The following CSMD1 variants were observed in gnomAD, a reference collection of about 807,000 sequenced individuals.
CSMD1 encodes the protein CUB and sushi domain-containing protein 1.
Under a neutral mutation model 417.5 loss-of-function variants are expected in CSMD1, and 213 were observed. That is an observed-to-expected ratio of 0.51 (90% CI 0.46 to 0.57). The LOEUF (loss-of-function observed/expected upper bound fraction) is 0.57, where lower values mean the gene tolerates loss of function less well. CSMD1 is among the 20% of genes least tolerant of loss of function. The pLI is 0.00. For missense variants in CSMD1, 6,923 were observed against 4,529.7 expected (o/e 1.53, Z -15.17); for synonymous variants, 2,862 against 1,736.8 (o/e 1.65, Z -16.11).
At chr8:3,263,313 A>T (rs1245571329) in intron 26 of CSMD1, among the ~76,000 whole-genome samples, 1 of 152,138 alleles carries the variant, frequency 6.6e-6, no homozygotes, top group Non-Finnish European at 1.5e-5. Context: ...TGGCCAGGCT[A>T]GTCTCGAACT....
chr8:3,452,140 T>C (rs977574287), intron 12 of CSMD1, among the ~76,000 whole-genome samples: 3 of 152,266 alleles, frequency 2.0e-5, no homozygotes, highest in East Asian at 3.8e-4. Flanking sequence ...TTTATAAGAA[T>C]GCTTGTGATT....
At chr8:2,975,734 T>A (rs570957901) in intron 55 of CSMD1, among the ~76,000 whole-genome samples, 47 of 152,184 alleles carry the variant, frequency 3.1e-4, no homozygotes, top group African/African-American at 1.1e-3. Context: ...CACAGCAAAA[T>A]CAGACATGGA....
intron 1 of CSMD1, among the ~76,000 whole-genome samples, chr8:4,849,334 T>C (rs1423104202): frequency 6.6e-6 from 1 of 151,806 alleles, no homozygotes; most frequent in East Asian, 1.9e-4. Context: ...AAGAAAAAAG[T>C]AATAAGGTGA....
chr8:4,334,625 T>C (rs1304971204), intron 3 of CSMD1, among the ~76,000 whole-genome samples: 1 of 152,172 alleles, frequency 6.6e-6, no homozygotes, highest in Non-Finnish European at 1.5e-5. Context: ...TGGAGAATGC[T>C]GACTAATACA....
At position 4,495,263 on chromosome 8, in the gene CSMD1, T is replaced by C. The variant is rs147011720; in HGVS notation, c.303-75198A>G. Among the ~76,000 whole-genome samples the C allele has an allele frequency of 1.3e-3, 202 of 152,272 alleles. 1 individual carries two copies. Among genetic ancestry groups the C allele is most frequent in the African/African-American group, 4.2e-3 (173 of 41,574 alleles). ...ACCTGAAAACTATAAATTGCTGTCA[T>C]AAAAATGTGACTAATACAAAATGAT... On this transcript the variant is annotated intron_variant, in intron 2 of 69. Transcript: ENST00000635120.
intron 41 of CSMD1, 63 bp downstream of exon 41, chr8:3,142,402 A>G (rs565518732): frequency 5.2e-5 from 71 of 1,360,706 alleles, no homozygotes; most frequent in Admixed American, 1.4e-4. Flanking sequence ...TTATACTTAA[A>G]TACAATTTAC....
At chr8:4,958,673 T>A (rs1253237131) in intron 1 of CSMD1, among the ~76,000 whole-genome samples, 1 of 152,198 alleles carries the variant, frequency 6.6e-6, no homozygotes, top group African/African-American at 2.4e-5. Flanking sequence ...TGAGTTACCA[T>A]GGAGTTTTTA....
chr8:3,922,117 A>G (rs922774554), intron 5 of CSMD1, among the ~76,000 whole-genome samples: 2 of 146,016 alleles, frequency 1.4e-5, no homozygotes, highest in African/African-American at 4.9e-5. Context: ...CCCCTTTATC[A>G]TTATATTATG....
chr8:3,698,673 G>T (rs938099989), intron 7 of CSMD1, among the ~76,000 whole-genome samples: 3 of 152,134 alleles, frequency 2.0e-5, no homozygotes, highest in African/African-American at 7.2e-5. Context: ...CTAGTAACAC[G>T]CCTGGTATTC....
intron 3 of CSMD1, among the ~76,000 whole-genome samples, chr8:4,064,718 C>G (rs1365279): frequency 0.46 from 69,952 of 152,074 alleles, 16,516 homozygotes; most frequent in East Asian, 0.79. Context: ...CCCCAGTATC[C>G]GTACTCAACC....
intron 5 of CSMD1, among the ~76,000 whole-genome samples, chr8:3,820,908 G>A (rs1220826697): frequency 2.0e-5 from 3 of 151,890 alleles, no homozygotes; most frequent in African/African-American, 4.8e-5. Flanking sequence ...CTGCCTGAGG[G>A]TGTTCTATCT....
At chr8:3,276,611 C>T (rs1277661629) in intron 26 of CSMD1, among the ~76,000 whole-genome samples, 2 of 152,078 alleles carry the variant, frequency 1.3e-5, no homozygotes, top group African/African-American at 4.8e-5. Context: ...GTGGGAGCTA[C>T]AATTCAAGAT....
intron 2 of CSMD1, among the ~76,000 whole-genome samples, chr8:4,436,933 G>T (rs1245355991): frequency 6.6e-6 from 1 of 152,140 alleles, no homozygotes; most frequent in East Asian, 1.9e-4. Context: ...GGACACTGAG[G>T]TTGCTTCCAA....
At chr8:3,032,267 A>AC (rs1266983678) in intron 50 of CSMD1, among the ~76,000 whole-genome samples, 2 of 151,816 alleles carry the variant, frequency 1.3e-5, no homozygotes, top group Non-Finnish European at 2.9e-5. Flanking sequence ...TACAAAAAAA[A>AC]CTGAGTTTGA....
intron 1 of CSMD1, among the ~76,000 whole-genome samples, chr8:4,793,303 C>G (rs187035541): frequency 6.8e-4 from 104 of 152,240 alleles, no homozygotes; most frequent in African/African-American, 2.4e-3. Flanking sequence ...CCTATTCTCT[C>G]AAATGATAAC....
At chr8:4,450,543 G>A (rs543559409) in intron 2 of CSMD1, among the ~76,000 whole-genome samples, 76 of 152,210 alleles carry the variant, frequency 5.0e-4, no homozygotes, top group East Asian at 1.5e-3. Flanking sequence ...GCTGAGGCAC[G>A]GGATTCACTT....
intron 1 of CSMD1, among the ~76,000 whole-genome samples, chr8:4,783,166 A>C (rs1344508803): frequency 6.6e-6 from 1 of 152,222 alleles, no homozygotes; most frequent in African/African-American, 2.4e-5. Flanking sequence ...ACCCACCTGA[A>C]ATTTTGTAGA....
chr8:3,734,378 C>T (rs1376571556), intron 6 of CSMD1, among the ~76,000 whole-genome samples: 3 of 152,178 alleles, frequency 2.0e-5, no homozygotes, highest in Admixed American at 6.5e-5. Context: ...AATGGATTTG[C>T]TTCTGCCTGG....
chr8:4,978,757 G>A (rs898627526), intron 1 of CSMD1, among the ~76,000 whole-genome samples: 1 of 152,148 alleles, frequency 6.6e-6, no homozygotes, highest in East Asian at 1.9e-4. Flanking sequence ...GGCCAACACA[G>A]TGAAACCCCG....
Sources: gnomAD v4.1 joint callset for allele counts (sites outside exome capture counted in the v4.1 genomes callset) on GRCh38, gnomAD v4.1.1 for gene constraint, MANE v1.5 for transcripts, NCBI Gene and HGNC (gene_info 2026-07-23, HGNC 2026-07-21) for gene names.